ATRNL1: variants seen among roughly 807,000 people sequenced by gnomAD.
ATRNL1 encodes attractin-like protein 1.
ATRNL1 carries 95 observed loss-of-function variants against 182.7 expected under a neutral mutation model. The ratio of observed to expected loss-of-function variants is 0.52; its 90% CI spans 0.44 to 0.62. The LOEUF (loss-of-function observed/expected upper bound fraction) is 0.62, where lower values mean the gene tolerates loss of function less well. ATRNL1 is among the 20% of genes least tolerant of loss of function. The pLI is 0.00. For synonymous variants in ATRNL1, 576 were observed against 568.3 expected (o/e 1.01, Z -0.19); for missense variants, 1,471 against 1,679.5 (o/e 0.88, Z 2.17).
chr10:115,871,523 A>G (rs1056452894), intron 28 of ATRNL1, among the ~76,000 whole-genome samples: 3 of 148,178 alleles, frequency 2.0e-5, no homozygotes, highest in Non-Finnish European at 4.5e-5. Context: ...ACAATGAACC[A>G]TTTGAAATCT....
chr10:115,651,310 C>T (rs1037052016), intron 26 of ATRNL1, among the ~76,000 whole-genome samples: 2 of 152,286 alleles, frequency 1.3e-5, no homozygotes, highest in Non-Finnish European at 1.5e-5. Flanking sequence ...TAAACTTCAG[C>T]GTCCCGCATT....
chr10:115,581,362 G>C (rs1555007315), intron 26 of ATRNL1, among the ~76,000 whole-genome samples: 1 of 152,026 alleles, frequency 6.6e-6, no homozygotes, highest in African/African-American at 2.4e-5. Context: ...GATATGTATT[G>C]TCAGGGAGAA....
chr10:115,258,434 A>T (rs1851251912), intron 10 of ATRNL1, among the ~76,000 whole-genome samples: 1 of 152,022 alleles, frequency 6.6e-6, no homozygotes, highest in Non-Finnish European at 1.5e-5. Flanking sequence ...TGCGTCATGA[A>T]GTTCTCCTGT....
intron 3 of ATRNL1, among the ~76,000 whole-genome samples, 167 bp downstream of exon 3, chr10:115,121,979 A>T (rs552188457): frequency 6.6e-6 from 1 of 152,152 alleles, no homozygotes; most frequent in Non-Finnish European, 1.5e-5. Flanking sequence ...TTAGGTAATA[A>T]TTATGTAAAT....
chr10:115,832,730 A>G (rs1314915015), intron 27 of ATRNL1, among the ~76,000 whole-genome samples: 1 of 152,154 alleles, frequency 6.6e-6, no homozygotes, highest in African/African-American at 2.4e-5. Context: ...CTAAACCCAC[A>G]ACTGATTTAT....
chr10:115,889,159 G>T (rs1470470705), intron 28 of ATRNL1, among the ~76,000 whole-genome samples: 1 of 152,182 alleles, frequency 6.6e-6, no homozygotes, highest in Non-Finnish European at 1.5e-5. Context: ...GATTTCAGAA[G>T]AGGGAGACAA....
intron 26 of ATRNL1, among the ~76,000 whole-genome samples, chr10:115,706,119 C>T (rs1345636604): frequency 2.0e-5 from 3 of 151,858 alleles, no homozygotes; most frequent in African/African-American, 4.8e-5. Flanking sequence ...GAAATTAGTC[C>T]TACCCTGCTG....
At chr10:115,107,523 C>T (rs1489563601) in intron 1 of ATRNL1, among the ~76,000 whole-genome samples, 2 of 152,142 alleles carry the variant, frequency 1.3e-5, no homozygotes, top group African/African-American at 4.8e-5. Flanking sequence ...CATAGCAGCT[C>T]TCATGGGTTG....
At chr10:115,193,480 C>A (rs530863897) in intron 8 of ATRNL1, among the ~76,000 whole-genome samples, 1 of 152,048 alleles carries the variant, frequency 6.6e-6, no homozygotes, top group Non-Finnish European at 1.5e-5. Context: ...GTATCTGTTT[C>A]TTCTGTTTTA....
chr10:115,734,152 G>A (rs1383735469), intron 27 of ATRNL1, among the ~76,000 whole-genome samples: 2 of 151,514 alleles, frequency 1.3e-5, no homozygotes, highest in South Asian at 2.1e-4. Flanking sequence ...AAATAAGACT[G>A]CATTTCATTT....
intron 5 of ATRNL1, among the ~76,000 whole-genome samples, chr10:115,137,744 T>C (rs1231684723): frequency 6.6e-6 from 1 of 152,132 alleles, no homozygotes; most frequent in Admixed American, 6.5e-5. Context: ...GAGATTTGGG[T>C]GGGGACACAG....
intron 1 of ATRNL1, among the ~76,000 whole-genome samples, chr10:115,100,018 A>G (rs1200833404): frequency 6.6e-6 from 1 of 152,174 alleles, no homozygotes; most frequent in Non-Finnish European, 1.5e-5. Flanking sequence ...TAGGCTGGGT[A>G]CTGTGGCTCA....
chr10:115,806,298 A>T (rs1555085640), intron 27 of ATRNL1, among the ~76,000 whole-genome samples: 1 of 152,156 alleles, frequency 6.6e-6, no homozygotes, highest in Admixed American at 6.5e-5. Flanking sequence ...TTGAAATTTC[A>T]TTTCAAGAGG....
chr10:115,726,783 G>C (rs1413723144), intron 26 of ATRNL1, among the ~76,000 whole-genome samples: 2 of 151,926 alleles, frequency 1.3e-5, no homozygotes, highest in Non-Finnish European at 2.9e-5. Context: ...AGTCTTGGCA[G>C]GTATATGTTC....
At chr10:115,818,692 T>C (rs763345928) in intron 27 of ATRNL1, among the ~76,000 whole-genome samples, 4 of 152,162 alleles carry the variant, frequency 2.6e-5, no homozygotes, top group Admixed American at 6.6e-5. Context: ...GATTACACTT[T>C]CCTCACACTA....
chr10:115,538,134 A>G (rs1852146807), intron 25 of ATRNL1, among the ~76,000 whole-genome samples: 2 of 152,186 alleles, frequency 1.3e-5, no homozygotes, highest in Non-Finnish European at 2.9e-5. Flanking sequence ...AGTTTTTGGT[A>G]CTTATAAATA....
chr10:115,916,494 A>G (rs1555117279), intron 28 of ATRNL1, among the ~76,000 whole-genome samples: 2 of 152,118 alleles, frequency 1.3e-5, no homozygotes, highest in East Asian at 3.8e-4. Flanking sequence ...AAGCAAGTGA[A>G]CTTGCACAGA....
intron 6 of ATRNL1, among the ~76,000 whole-genome samples, chr10:115,163,120 C>T (rs1445510975): frequency 6.7e-6 from 1 of 149,492 alleles, no homozygotes; most frequent in East Asian, 2.0e-4. Context: ...TTTATAACAC[C>T]ATGTTTGTGT....
intron 20 of ATRNL1, among the ~76,000 whole-genome samples, chr10:115,405,014 G>A (rs1484892924): frequency 6.6e-6 from 1 of 151,996 alleles, no homozygotes; most frequent in Non-Finnish European, 1.5e-5. Context: ...AAAGAAAAGT[G>A]CACAGTAAAG....
Sources: allele counts gnomAD v4.1 joint callset (sites outside exome capture counted in the v4.1 genomes callset), GRCh38; gene constraint gnomAD v4.1.1; transcripts MANE v1.5; gene names NCBI Gene and HGNC (gene_info 2026-07-23, HGNC 2026-07-21).